GPR158: variants seen among roughly 807,000 people sequenced by gnomAD.
The protein encoded by GPR158 is metabotropic glycine receptor.
GPR158 carries 30 observed loss-of-function variants against 78.2 expected under a neutral mutation model. The ratio of observed to expected loss-of-function variants is 0.38; its 90% confidence interval spans 0.29 to 0.52. The LOEUF is 0.52. Among genes scored for constraint, GPR158 ranks in the 20% least tolerant of loss-of-function variants. The pLI is 0.83. For missense variants in GPR158, 1,463 were observed against 1,523.5 expected (o/e 0.96, Z 0.66); for synonymous variants, 581 against 591.1 (o/e 0.98, Z 0.25).
At chr10:25,280,679 G>A (rs979882985) in intron 2 of GPR158, among the ~76,000 whole-genome samples, 1 of 152,056 alleles carries the variant, frequency 6.6e-6, no homozygotes, top group Non-Finnish European at 1.5e-5. Flanking sequence ...AGTTGACCAT[G>A]AAGCCATAAA....
chr10:25,381,876 C>A lies in GPR158; in HGVS notation c.1009-14035C>A, dbSNP rs540952091. ...CACACATGAAGTTTTTTATTGTAAACAGGGTAAAGCACATTTATAACAGGT... is the reference window on the plus strand; with the variant it reads ...CACACATGAAGTTTTTTATTGTAAAAAGGGTAAAGCACATTTATAACAGGT... On this transcript the variant is annotated intron_variant, in intron 2 of 10. Transcript: ENST00000376351. Among the ~76,000 whole-genome samples the A allele has an allele frequency of 2.6e-5, 4 of 152,216 alleles. No homozygotes were observed. The South Asian group carries it at 6.2e-4, about 24-fold the overall frequency.
chr10:25,574,545 G>C (rs548012827), intron 7 of GPR158, among the ~76,000 whole-genome samples: 1 of 152,112 alleles, frequency 6.6e-6, no homozygotes, highest in Non-Finnish European at 1.5e-5. Flanking sequence ...TTAACCATGG[G>C]TAATGTTTAT....
At chr10:25,253,690 T>A (rs544831451) in intron 2 of GPR158, among the ~76,000 whole-genome samples, 10 of 151,158 alleles carry the variant, frequency 6.6e-5, no homozygotes, top group Admixed American at 2.6e-4. Context: ...AAACCGTTAT[T>A]TATATATATA....
chr10:25,212,627 CTTTT>C (rs10642944), intron 1 of GPR158, among the ~76,000 whole-genome samples: 2 of 78,576 alleles, frequency 2.5e-5, no homozygotes, highest in African/African-American at 5.3e-5. Context: ...GAATTTATAG[CTTTT>C]TTTTTTTTTT....
chr10:25,439,045 A>G (rs769990137), intron 4 of GPR158, among the ~76,000 whole-genome samples: 1 of 152,220 alleles, frequency 6.6e-6, no homozygotes, highest in Non-Finnish European at 1.5e-5. Flanking sequence ...GTTAAAACAG[A>G]GAAGGTATGA....
intron 2 of GPR158, among the ~76,000 whole-genome samples, chr10:25,368,385 T>C (rs1833930569): frequency 6.6e-6 from 1 of 151,668 alleles, no homozygotes; most frequent in South Asian, 2.1e-4. Context: ...GAGAAATTTG[T>C]AAGAAAAAAG....
At chr10:25,460,441 C>T (rs1034940087) in intron 4 of GPR158, among the ~76,000 whole-genome samples, 5 of 152,132 alleles carry the variant, frequency 3.3e-5, no homozygotes, top group Non-Finnish European at 4.4e-5. Flanking sequence ...TTGATCCGCC[C>T]ACCTCGGCCT....
At position 25,412,882 on chromosome 10, in the gene GPR158, T is replaced by C. The variant is rs528298613; in HGVS notation, c.1335+409T>C. On this transcript the variant is annotated intron_variant, in intron 4 of 10. Transcript: ENST00000376351. ...TTAAATATGGTAAATGACTCAACTA[T>C]TTTTAGCGCATTATACTTTGAAGAA... 3.3e-5 allele frequency among the ~76,000 whole-genome samples: 5 copies of C among 152,382 alleles called. No individual in the cohort carries two copies. The South Asian group carries it at 6.2e-4, about 19-fold the overall frequency.
chr10:25,583,969 T>G (rs930322232), intron 7 of GPR158, among the ~76,000 whole-genome samples: 2 of 152,168 alleles, frequency 1.3e-5, no homozygotes, highest in East Asian at 1.9e-4. Flanking sequence ...GTCAAAGAAC[T>G]TATACTAATT....
chr10:25,276,775 A>G (rs1051261921), intron 2 of GPR158, among the ~76,000 whole-genome samples: 2 of 152,168 alleles, frequency 1.3e-5, no homozygotes, highest in Non-Finnish European at 2.9e-5. Context: ...AACCTAAGCA[A>G]GAAACTCACC....
chr10:25,314,098 T>C (rs9629912), intron 2 of GPR158, among the ~76,000 whole-genome samples: 183 of 152,100 alleles, frequency 1.2e-3, no homozygotes, highest in African/African-American at 4.2e-3. Context: ...TTTTTGAATT[T>C]ATTTATTTAT....
At chr10:25,401,263 C>T (rs769593280) in intron 3 of GPR158, among the ~76,000 whole-genome samples, 71 of 152,182 alleles carry the variant, frequency 4.7e-4, no homozygotes, top group Non-Finnish European at 8.8e-4. Context: ...ACTGGTCTGA[C>T]TTCAACCTTG....
At chr10:25,242,493 A>G (rs1283090922) in intron 2 of GPR158, among the ~76,000 whole-genome samples, 1 of 152,232 alleles carries the variant, frequency 6.6e-6, no homozygotes, top group East Asian at 1.9e-4. Flanking sequence ...TCATTTGTCT[A>G]TGCTAATAGG....
intron 2 of GPR158, among the ~76,000 whole-genome samples, chr10:25,317,335 A>G (rs142289413): frequency 0.016 from 2,455 of 152,202 alleles, 15 homozygotes; most frequent in African/African-American, 0.022. Context: ...GGTGTGAGCC[A>G]CTACACCTGG....
At chr10:25,377,895 G>C (rs1252520112) in intron 2 of GPR158, among the ~76,000 whole-genome samples, 1 of 152,042 alleles carries the variant, frequency 6.6e-6, no homozygotes, top group Non-Finnish European at 1.5e-5. Flanking sequence ...TATATATGTA[G>C]GAGGGGAATC....
At chr10:25,386,631 T>C (rs948573807) in intron 2 of GPR158, among the ~76,000 whole-genome samples, 1 of 152,184 alleles carries the variant, frequency 6.6e-6, no homozygotes, top group African/African-American at 2.4e-5. Context: ...CTTTCAGCAA[T>C]ATTTTACAGT....
chr10:25,277,369 A>G (rs531510023), intron 2 of GPR158, among the ~76,000 whole-genome samples: 1 of 152,286 alleles, frequency 6.6e-6, no homozygotes, highest in South Asian at 2.1e-4. Flanking sequence ...AATGAATACA[A>G]AAACTACTAG....
chr10:25,571,977 A>G (rs1403987929), intron 6 of GPR158, among the ~76,000 whole-genome samples: 1 of 152,198 alleles, frequency 6.6e-6, no homozygotes, highest in Non-Finnish European at 1.5e-5. Context: ...TGACCATGAA[A>G]GTAGGTAATA....
chr10:25,500,488 A>G (rs778303639), intron 5 of GPR158, among the ~76,000 whole-genome samples: 6 of 152,230 alleles, frequency 3.9e-5, no homozygotes, highest in Non-Finnish European at 8.8e-5. Context: ...TTGAATTGCT[A>G]TCACTTCTAA....
Sources: gnomAD v4.1 joint callset for allele counts (sites outside exome capture counted in the v4.1 genomes callset) on GRCh38, gnomAD v4.1.1 for gene constraint, MANE v1.5 for transcripts, NCBI Gene and HGNC (gene_info 2026-07-23, HGNC 2026-07-21) for gene names.